The following ALG6 variants were observed in gnomAD, a reference collection of about 807,000 sequenced individuals.
ALG6 encodes the protein ALG6 alpha-1,3-glucosyltransferase, also known as dolichyl pyrophosphate Man9GlcNAc2 alpha-1,3-glucosyltransferase.
Under a neutral mutation model 66.6 loss-of-function variants are expected in ALG6, and 46 were observed. The observed-to-expected ratio is 0.69, with a 90% CI of 0.55 to 0.88. The LOEUF (loss-of-function observed/expected upper bound fraction) is 0.88. Ranked by LOEUF, ALG6 falls within the 40% of genes least tolerant of loss-of-function variation. The pLI is 0.00. For synonymous variants in ALG6, 185 were observed against 203.7 expected (o/e 0.91, Z 0.78); for missense variants, 505 against 586.8 (o/e 0.86, Z 1.44).
At chr1:63,421,665 C>T (rs1411326503) in intron 12 of ALG6, among the ~76,000 whole-genome samples, 1 of 152,134 alleles carries the variant, frequency 6.6e-6, no homozygotes, top group African/African-American at 2.4e-5. Flanking sequence ...AAATGTGGCA[C>T]ATACACACCA....
At chr1:63,379,152 A>G (rs1254241642) in intron 2 of ALG6, among the ~76,000 whole-genome samples, 2 of 152,158 alleles carry the variant, frequency 1.3e-5, no homozygotes, top group African/African-American at 4.8e-5. Flanking sequence ...GATTTTTAAT[A>G]AAATAGTGAG....
At chr1:63,402,563 C>T (rs1395345848) in intron 4 of ALG6, among the ~76,000 whole-genome samples, 1 of 146,788 alleles carries the variant, frequency 6.8e-6, no homozygotes, top group African/African-American at 2.5e-5. Flanking sequence ...ACCTTCCAGG[C>T]TCAAGTGATT....
Position 63,428,744 on chromosome 1 carries a change from T to C in ALG6, c.1070T>C (p.Leu357Ser). Reference protein sequence around the residue: ...SILLVSLPVCLVLSEIPFMST... With the variant: ...SILLVSLPVCSVLSEIPFMST... ...CTTTACGATTTTAGACCAGTCTGCT[T>C]AGTTTTAAGTGAAATTCCTTTTATG... Residue 357 changes from leucine to serine, a missense_variant, in exon 13 of 15, where the codon TTA becomes TCA. Coordinates refer to ENST00000263440, the MANE Select transcript of ALG6 (RefSeq NM_013339.4). 6.2e-7 allele frequency: 1 copy of C among 1,606,712 alleles called. No individual in the cohort carries two copies. The highest frequency in any genetic ancestry group is 1.3e-5 in the African/African-American group (1 of 74,880).
At chr1:63,406,487 C>A in intron 6 of ALG6, 88 bp downstream of exon 6, 1 of 1,186,744 alleles carries the variant, frequency 8.4e-7, no homozygotes, top group Non-Finnish European at 1.2e-6. Flanking sequence ...AGAAGCCATG[C>A]TTTTGGAAAG....
Position 63,384,442 on chromosome 1 carries a change from G to T in ALG6, c.83-12071G>T, listed in dbSNP as rs1349030752. ...GCGCATATTTTCTCCCATTCTGTGGGTTCTGTCTTTGTTGATTGCTTCCTT... is the reference window on the plus strand; with the variant it reads ...GCGCATATTTTCTCCCATTCTGTGGTTTCTGTCTTTGTTGATTGCTTCCTT... On this transcript the variant is annotated intron_variant, in intron 2 of 14. Coordinates refer to ENST00000263440, the MANE Select transcript of ALG6 (RefSeq NM_013339.4). Among the ~76,000 whole-genome samples the T allele has an allele frequency of 2.6e-5, 4 of 151,958 alleles. No homozygotes were observed. The East Asian group carries it at 7.7e-4, about 29-fold the overall frequency.
At chr1:63,389,448 C>T (rs1180200533) in intron 2 of ALG6, among the ~76,000 whole-genome samples, 1 of 152,136 alleles carries the variant, frequency 6.6e-6, no homozygotes, top group African/African-American at 2.4e-5. Context: ...TTATTTCCAT[C>T]TCTGTTAAGG....
At chr1:63,397,510 A>T (rs1294192030) in intron 3 of ALG6, among the ~76,000 whole-genome samples, 1 of 151,750 alleles carries the variant, frequency 6.6e-6, no homozygotes, top group African/African-American at 2.4e-5. Flanking sequence ...GTATGGTCTC[A>T]TTTCCATAGC....
intron 3 of ALG6, among the ~76,000 whole-genome samples, chr1:63,401,584 TAA>T (rs536462989): frequency 7.4e-6 from 1 of 135,466 alleles, no homozygotes. Context: ...GAGAATCGCT[TAA>T]AAAAAAAAAA....
intron 2 of ALG6, among the ~76,000 whole-genome samples, chr1:63,389,885 T>A (rs1022305395): frequency 6.6e-6 from 1 of 152,188 alleles, no homozygotes. Context: ...TTCTTTGGAT[T>A]ACCAGACAAA....
In ALG6 at chr1:63,435,111, T is replaced by C. The variant is rs138508467; in HGVS notation, c.1327-1712T>C. Among the ~76,000 whole-genome samples the C allele has an allele frequency of 8.7e-4, 132 of 152,258 alleles. 2 individuals carry two copies. The Middle Eastern group carries it at 0.014, about 16-fold the overall frequency. ...CATCGTGATTAGGGTGAAAGCCCAA[T>C]TGGTATGGGTTCACTAGTGAATGGG... On this transcript the variant is annotated intron_variant, in intron 14 of 14. Coordinates refer to ENST00000263440, the MANE Select transcript of ALG6 (RefSeq NM_013339.4).
At chr1:63,412,171 T>TAA (rs1425225183) in intron 9 of ALG6, 110 bp downstream of exon 9, 2 of 1,473,770 alleles carry the variant, frequency 1.4e-6, no homozygotes, top group Non-Finnish European at 1.9e-6. Context: ...TTTCCTCCTG[T>TAA]AATCATTCCT....
At chr1:63,408,524 C>A (rs1300400571) in intron 7 of ALG6, among the ~76,000 whole-genome samples, 1 of 152,150 alleles carries the variant, frequency 6.6e-6, no homozygotes, top group Non-Finnish European at 1.5e-5. Context: ...TATAAACATT[C>A]TTCTTATAAG....
rs1370493657 is a variant in ALG6 at position 63,382,956 on chromosome 1, G to A, written c.82+11897G>A. On this transcript the variant is annotated intron_variant, in intron 2 of 14. Coordinates refer to ENST00000263440, the MANE Select transcript of ALG6 (RefSeq NM_013339.4). The stretch of plus-strand genomic sequence containing the variant: ...CTCCCAAAGTGCTGGGATTACAGGC[G>A]TGAGCCACCGCACCTGGCCTAAGTT... Among the ~76,000 whole-genome samples the A allele has an allele frequency of 8.6e-5, 13 of 151,880 alleles. No homozygotes were observed. The East Asian group carries it at 9.7e-4, about 11-fold the overall frequency.
intron 11 of ALG6, among the ~76,000 whole-genome samples, chr1:63,418,077 C>T (rs908508753): frequency 2.0e-5 from 3 of 149,226 alleles, no homozygotes; most frequent in Non-Finnish European, 4.4e-5. Flanking sequence ...GAGGTTGCGG[C>T]GAGTGGAGAT....
intron 12 of ALG6, among the ~76,000 whole-genome samples, chr1:63,422,438 T>TATATAAATATATATATAA (rs1557595437): frequency 2.1e-4 from 5 of 24,110 alleles, no homozygotes; most frequent in Non-Finnish European, 3.0e-4. Flanking sequence ...TATAAATATA[T>TATATAAATATATATATAA]ATATAAATAT....
At chr1:63,423,002 A>G (rs762229662) in intron 12 of ALG6, among the ~76,000 whole-genome samples, 21 of 148,524 alleles carry the variant, frequency 1.4e-4, no homozygotes, top group Non-Finnish European at 2.4e-4. Flanking sequence ...GAGAAGAACT[A>G]AAGACAAGTA....
intron 11 of ALG6, among the ~76,000 whole-genome samples, chr1:63,418,227 A>T (rs1443982582): frequency 6.6e-6 from 1 of 150,732 alleles, no homozygotes; most frequent in African/African-American, 2.4e-5. Context: ...TTTCTAGAGA[A>T]GGTTTCTATA....
At chr1:63,389,212 T>C (rs1648594600) in intron 2 of ALG6, among the ~76,000 whole-genome samples, 1 of 152,198 alleles carries the variant, frequency 6.6e-6, no homozygotes, top group South Asian at 2.1e-4. Context: ...CAGAAGCTCT[T>C]AGATTTGTCC....
At chr1:63,372,390 T>C (rs1165414341) in intron 2 of ALG6, among the ~76,000 whole-genome samples, 1 of 152,106 alleles carries the variant, frequency 6.6e-6, no homozygotes, top group African/African-American at 2.4e-5. Flanking sequence ...GACACACATT[T>C]ACTCTCTACT....
Sources: allele counts gnomAD v4.1 joint callset (sites outside exome capture counted in the v4.1 genomes callset), GRCh38; gene constraint gnomAD v4.1.1; transcripts MANE v1.5; gene names NCBI Gene and HGNC (gene_info 2026-07-23, HGNC 2026-07-21).